Variants in CNIH3 observed in about 807,000 individuals in gnomAD.
CNIH3 encodes protein cornichon homolog 3.
In CNIH3, 14 loss-of-function variants were observed where a neutral mutation model predicts 24.1. That is an observed-to-expected ratio of 0.58 (90% CI 0.38 to 0.91). The LOEUF is 0.91. CNIH3 is among the 40% of genes least tolerant of loss of function. CNIH3 has a pLI of 0.00. For synonymous variants in CNIH3, 68 were observed against 73.8 expected (o/e 0.92, Z 0.40); for missense variants, 178 against 196.8 (o/e 0.90, Z 0.57).
chr1:224,466,346 A>G (rs1025573297), intron 1 of CNIH3, among the ~76,000 whole-genome samples: 14 of 152,210 alleles, frequency 9.2e-5, no homozygotes, highest in Admixed American at 2.0e-4. Flanking sequence ...GGAATCACTT[A>G]TGTAGTGTCA....
intron 1 of CNIH3, among the ~76,000 whole-genome samples, chr1:224,446,212 G>GTTTTTTT (rs35812016): frequency 1.8e-5 from 2 of 108,876 alleles, no homozygotes; most frequent in Admixed American, 2.0e-4. Context: ...TTTCAACTTT[G>GTTTTTTT]TTTTTTTTTT....
intron 3 of CNIH3, among the ~76,000 whole-genome samples, chr1:224,729,020 A>G (rs1362146852): frequency 1.3e-5 from 2 of 152,162 alleles, no homozygotes; most frequent in Non-Finnish European, 2.9e-5. Flanking sequence ...GATTATGGAA[A>G]GTACCCCTGG....
At chr1:224,558,664 A>C (rs1425793644) in intron 3 of CNIH3, among the ~76,000 whole-genome samples, 1 of 152,166 alleles carries the variant, frequency 6.6e-6, no homozygotes, top group Non-Finnish European at 1.5e-5. Flanking sequence ...AGTGGGGAAA[A>C]AGTCCCCACC....
At chr1:224,522,451 AG>A (rs1678674702) in intron 2 of CNIH3, among the ~76,000 whole-genome samples, 1 of 152,028 alleles carries the variant, frequency 6.6e-6, no homozygotes, top group African/African-American at 2.4e-5. Flanking sequence ...GGTTATCAAA[AG>A]TTGTCACTGC....
At chr1:224,631,264 C>G (rs1454290132) in intron 1 of CNIH3, among the ~76,000 whole-genome samples, 1 of 152,200 alleles carries the variant, frequency 6.6e-6, no homozygotes, top group Non-Finnish European at 1.5e-5. Context: ...TTCATCCTAG[C>G]AAGGGAGGAA....
chr1:224,560,585 C>T (rs554843747), intron 3 of CNIH3, among the ~76,000 whole-genome samples: 6 of 152,022 alleles, frequency 3.9e-5, no homozygotes, highest in East Asian at 1.9e-4. Flanking sequence ...CTCATAGGAG[C>T]GTGAACCCTA....
chr1:224,503,699 A>T (rs1051615087), intron 1 of CNIH3, among the ~76,000 whole-genome samples: 4 of 152,238 alleles, frequency 2.6e-5, no homozygotes, highest in African/African-American at 9.6e-5. Flanking sequence ...GTCCTCCCCC[A>T]GGAGAGGCAG....
At chr1:224,542,875 C>T (rs1318812976) in intron 2 of CNIH3, among the ~76,000 whole-genome samples, 1 of 152,190 alleles carries the variant, frequency 6.6e-6, no homozygotes, top group Non-Finnish European at 1.5e-5. Flanking sequence ...TGGTCTTTGT[C>T]CTAGTTCCTG....
intron 2 of CNIH3, among the ~76,000 whole-genome samples, chr1:224,528,573 C>T (rs1238841813): frequency 6.6e-6 from 1 of 152,146 alleles, no homozygotes; most frequent in African/African-American, 2.4e-5. Context: ...TCCACCTCAG[C>T]CTCCTGGAGT....
At chr1:224,635,111 A>G (rs1161860333) in intron 1 of CNIH3, among the ~76,000 whole-genome samples, 1 of 152,158 alleles carries the variant, frequency 6.6e-6, no homozygotes, top group Non-Finnish European at 1.5e-5. Context: ...TAATCATGGC[A>G]GAAGGTAAGG....
At chr1:224,667,753 T>TA (rs5781378) in intron 1 of CNIH3, among the ~76,000 whole-genome samples, 34,754 of 137,592 alleles carry the variant, frequency 0.25, 4,230 homozygotes, top group East Asian at 0.36. Flanking sequence ...GTCAGTCCAA[T>TA]AAAAAAAAAA....
intron 1 of CNIH3, among the ~76,000 whole-genome samples, chr1:224,442,127 T>TC (rs1203617336): frequency 2.0e-5 from 3 of 147,658 alleles, no homozygotes; most frequent in Non-Finnish European, 4.5e-5. Context: ...CAAGCAATCC[T>TC]CCCACCTCAG....
chr1:224,707,719 G>A (rs1468509749), intron 3 of CNIH3, among the ~76,000 whole-genome samples: 2 of 152,176 alleles, frequency 1.3e-5, no homozygotes, highest in Admixed American at 1.3e-4. Flanking sequence ...ATCCTTGTAT[G>A]CACATTATTT....
At chr1:224,463,132 G>A (rs1484038892) in intron 1 of CNIH3, among the ~76,000 whole-genome samples, 10 of 151,952 alleles carry the variant, frequency 6.6e-5, no homozygotes, top group South Asian at 4.1e-4. Context: ...TCTTGACCTC[G>A]TGATCCACCC....
chr1:224,596,764 C>G (rs1681997315), intron 3 of CNIH3, among the ~76,000 whole-genome samples: 1 of 152,138 alleles, frequency 6.6e-6, no homozygotes, highest in South Asian at 2.1e-4. Context: ...TGTCCATTCC[C>G]AAAGCAGCTT....
chr1:224,489,001 A>T (rs1459883996), intron 1 of CNIH3, among the ~76,000 whole-genome samples: 1 of 151,934 alleles, frequency 6.6e-6, no homozygotes, highest in Admixed American at 6.6e-5. Context: ...ATCTTCATTG[A>T]TTTTATTCTT....
chr1:224,489,900 C>T (rs1036777314), intron 1 of CNIH3, among the ~76,000 whole-genome samples: 6 of 152,162 alleles, frequency 3.9e-5, no homozygotes. Flanking sequence ...TGGCACTAAT[C>T]CCATTGATGA....
At chr1:224,459,314 T>G in intron 1 of CNIH3, 1 of 662,188 alleles carries the variant, frequency 1.5e-6, no homozygotes, top group Non-Finnish European at 1.9e-6. Context: ...TGACTGTTTA[T>G]TCCGGGTCTT....
rs577609756 is a variant in CNIH3, at chr1:224,550,091, G to A, written n.450+3152G>A. 4.5e-4 allele frequency among the ~76,000 whole-genome samples: 68 copies of A among 152,082 alleles called. 1 individual carries two copies. The South Asian group carries it at 0.014, about 31-fold the overall frequency. On this transcript the variant is annotated intron_variant and non_coding_transcript_variant, in intron 3 of 5. Transcript: ENST00000471578. ...TTGTTAATGTCACAGTGTGACAACT[G>A]TAGATATTATAGAAATATCAGTGAT...
Sources: gnomAD v4.1 joint callset for allele counts (sites outside exome capture counted in the v4.1 genomes callset) on GRCh38, gnomAD v4.1.1 for gene constraint, MANE v1.5 for transcripts, NCBI Gene and HGNC (gene_info 2026-07-23, HGNC 2026-07-21) for gene names.